VDAC1: variants seen among roughly 807,000 people sequenced by gnomAD.
VDAC1 encodes non-selective voltage-gated ion channel VDAC1.
In VDAC1, 10 loss-of-function variants were observed where a neutral mutation model predicts 34.7. The ratio of observed to expected loss-of-function variants is 0.29; its 90% CI spans 0.18 to 0.49. The LOEUF is 0.49. VDAC1 is among the 20% of genes least tolerant of loss of function. VDAC1 has a pLI of 0.99. For synonymous variants in VDAC1, 130 were observed against 136.0 expected (o/e 0.96, Z 0.30); for missense variants, 230 against 347.9 (o/e 0.66, Z 2.69).
the VDAC1 span, among the ~76,000 whole-genome samples, chr5:134,016,995 C>T: frequency 6.6e-6 from 1 of 152,194 alleles, no homozygotes; most frequent in Admixed American, 6.6e-5. Flanking sequence ...GCCCATGTGC[C>T]CCTCTCCTGG....
chr5:134,000,329 T>C (rs1252970897), intron 1 of VDAC1, among the ~76,000 whole-genome samples: 2 of 152,188 alleles, frequency 1.3e-5, no homozygotes, highest in African/African-American at 2.4e-5. Context: ...AGCTTCTATT[T>C]TGAAACACCC....
the VDAC1 span, among the ~76,000 whole-genome samples, chr5:134,050,791 T>G: frequency 1.3e-5 from 2 of 152,140 alleles, no homozygotes; most frequent in Non-Finnish European, 2.9e-5. Context: ...CATATCTGTG[T>G]TTGCTGAGTT....
the VDAC1 span, among the ~76,000 whole-genome samples, chr5:134,058,973 G>A: frequency 1.3e-5 from 2 of 152,310 alleles, no homozygotes; most frequent in Admixed American, 6.5e-5. Context: ...CCTCATGCCC[G>A]CGTGCCAATG....
chr5:134,050,003 C>T, the VDAC1 span, among the ~76,000 whole-genome samples: 1 of 152,118 alleles, frequency 6.6e-6, no homozygotes, highest in Non-Finnish European at 1.5e-5. Context: ...GTAACCCCAG[C>T]ACTTTGGGAG....
chr5:134,054,523 C>T, the VDAC1 span, among the ~76,000 whole-genome samples: 1 of 133,754 alleles, frequency 7.5e-6, no homozygotes, highest in Non-Finnish European at 1.5e-5. Flanking sequence ...TGCAGTGGTG[C>T]CATCTTATGT....
chr5:134,045,867 T>G, the VDAC1 span, among the ~76,000 whole-genome samples: 1 of 151,842 alleles, frequency 6.6e-6, no homozygotes, highest in Admixed American at 6.6e-5. Context: ...ATATTTTTAG[T>G]AGAGGCAGGG....
the VDAC1 span, among the ~76,000 whole-genome samples, chr5:134,056,190 G>A: frequency 7.7e-3 from 1,112 of 144,012 alleles, 13 homozygotes; most frequent in African/African-American, 0.027. Context: ...GCAGTGAGCC[G>A]ATATAGCACC....
intron 6 of VDAC1, among the ~76,000 whole-genome samples, chr5:133,978,573 G>A (rs908551114): frequency 1.3e-5 from 2 of 152,198 alleles, no homozygotes; most frequent in Non-Finnish European, 2.9e-5. Context: ...ACAGCAGCCT[G>A]TCAAAAATAA....
intron 1 of VDAC1, 168 bp downstream of exon 1, chr5:134,004,727 G>A (rs1245873796): frequency 6.6e-6 from 1 of 150,866 alleles, no homozygotes; most frequent in Non-Finnish European, 1.5e-5. Flanking sequence ...CCAGGGAGCG[G>A]AGCCGAGCGA....
chr5:134,089,050 G>A, the VDAC1 span, among the ~76,000 whole-genome samples: 2 of 152,248 alleles, frequency 1.3e-5, no homozygotes, highest in African/African-American at 4.8e-5. Context: ...AGCTAAGACT[G>A]TGGGAGCCCA....
At chr5:133,999,027 T>C (rs920452386) in intron 1 of VDAC1, among the ~76,000 whole-genome samples, 2 of 152,262 alleles carry the variant, frequency 1.3e-5, no homozygotes, top group Non-Finnish European at 2.9e-5. Flanking sequence ...GATTCAGGCA[T>C]GTGCCAGGCA....
At chr5:134,014,822 T>C in the VDAC1 span, among the ~76,000 whole-genome samples, 1 of 152,156 alleles carries the variant, frequency 6.6e-6, no homozygotes, top group East Asian at 1.9e-4. Context: ...GCCAAGATCG[T>C]GCCACTGCAC....
the VDAC1 span, among the ~76,000 whole-genome samples, chr5:134,031,294 T>G: frequency 0.05 from 7,519 of 151,776 alleles, 227 homozygotes; most frequent in East Asian, 0.12. Flanking sequence ...TAAATTTACT[T>G]AGTTAAAAAA....
At chr5:134,029,964 T>A in the VDAC1 span, among the ~76,000 whole-genome samples, 1 of 152,142 alleles carries the variant, frequency 6.6e-6, no homozygotes, top group African/African-American at 2.4e-5. Flanking sequence ...ATGTAACCCC[T>A]TGGGAAAACT....
chr5:134,067,456 T>C, the VDAC1 span, among the ~76,000 whole-genome samples: 1 of 148,224 alleles, frequency 6.7e-6, no homozygotes, highest in Non-Finnish European at 1.5e-5. Context: ...AAAAAAGTTA[T>C]ATATTCTGTT....
At chr5:134,010,696 A>G in the VDAC1 span, among the ~76,000 whole-genome samples, 1 of 152,198 alleles carries the variant, frequency 6.6e-6, no homozygotes, top group Non-Finnish European at 1.5e-5. Flanking sequence ...CAACCCCAAC[A>G]TTAAAAACTG....
rs559585279 is a variant in VDAC1, at chr5:133,972,032, A to C, written c.*739T>G. The C allele has an allele frequency of 6.5e-6, 1 of 152,794 alleles. No individual in the cohort carries two copies. Among genetic ancestry groups the C allele is most frequent in the South Asian group, 2.1e-4 (1 of 4,826 alleles). 9.5% of individuals were successfully genotyped at this position (152,794 alleles called of 1,614,324 possible). On this transcript the variant is annotated 3_prime_UTR_variant, in exon 9 of 9. Coordinates refer to ENST00000265333, the MANE Select transcript of VDAC1 (RefSeq NM_003374.3). Reference sequence around the variant, plus strand: ...AAATGTACCCATTAAACTGCTAAAAAACAAATTGAGTGGTGAGAATACAAC... The same window carrying C: ...AAATGTACCCATTAAACTGCTAAAACACAAATTGAGTGGTGAGAATACAAC...
chr5:133,995,178 C>CA (rs1264583866), intron 1 of VDAC1, among the ~76,000 whole-genome samples: 2 of 152,230 alleles, frequency 1.3e-5, no homozygotes, highest in Admixed American at 1.3e-4. Flanking sequence ...ACAAGGCACT[C>CA]AGAGAGCAGA....
chr5:133,985,246 C>T (rs1019547227), intron 5 of VDAC1, among the ~76,000 whole-genome samples: 1 of 152,094 alleles, frequency 6.6e-6, no homozygotes, highest in Non-Finnish European at 1.5e-5. Flanking sequence ...GACCTGCTCA[C>T]CAACAGAACA....
Sources: allele counts gnomAD v4.1 joint callset (sites outside exome capture counted in the v4.1 genomes callset), GRCh38; gene constraint gnomAD v4.1.1; transcripts MANE v1.5; gene names NCBI Gene and HGNC (gene_info 2026-07-23, HGNC 2026-07-21).